The following PPARGC1A variants were observed in gnomAD, a reference collection of about 807,000 sequenced individuals.
PPARGC1A encodes the protein peroxisome proliferator-activated receptor gamma coactivator 1-alpha.
Under a neutral mutation model 88.7 loss-of-function variants are expected in PPARGC1A, and 25 were observed. The observed-to-expected ratio is 0.28, with a 90% CI of 0.21 to 0.39. PPARGC1A has a LOEUF of 0.39. Among genes scored for constraint, PPARGC1A ranks in the 10% least tolerant of loss-of-function variants. The probability of loss-of-function intolerance (pLI) is 1.00; values close to 1 mark genes in which losing one functional copy is unlikely to be tolerated. For missense variants in PPARGC1A, 880 were observed against 968.7 expected (o/e 0.91, Z 1.22); for synonymous variants, 363 against 355.6 (o/e 1.02, Z -0.24).
the PPARGC1A span, among the ~76,000 whole-genome samples, chr4:24,393,134 G>C: frequency 6.6e-6 from 1 of 151,872 alleles, no homozygotes; most frequent in African/African-American, 2.4e-5. Context: ...CAAACTTCCT[G>C]GCAAAATATT....
chr4:24,351,232 A>T, the PPARGC1A span, among the ~76,000 whole-genome samples: 20 of 282 alleles, frequency 0.071, no homozygotes, highest in Non-Finnish European at 0.19. Flanking sequence ...CCTTGTATTT[A>T]AAAAAAAAAA....
the PPARGC1A span, among the ~76,000 whole-genome samples, chr4:24,018,500 G>A: frequency 6.6e-6 from 1 of 151,958 alleles, no homozygotes; most frequent in Non-Finnish European, 1.5e-5. Context: ...GTGATGAGGG[G>A]GGGCAAACCA....
the PPARGC1A span, among the ~76,000 whole-genome samples, chr4:24,282,913 G>T: frequency 1.5e-4 from 23 of 152,222 alleles, no homozygotes; most frequent in Non-Finnish European, 3.1e-4. Flanking sequence ...ATAAGCGGGC[G>T]ATTAACAGAA....
At chr4:24,003,609 A>G in the PPARGC1A span, among the ~76,000 whole-genome samples, 2 of 152,120 alleles carry the variant, frequency 1.3e-5, no homozygotes, top group African/African-American at 4.8e-5. Flanking sequence ...TAAGACCAGT[A>G]AGTACAAAGA....
chr4:24,395,756 G>A, the PPARGC1A span, among the ~76,000 whole-genome samples: 1 of 152,118 alleles, frequency 6.6e-6, no homozygotes, highest in Non-Finnish European at 1.5e-5. Flanking sequence ...TCACGGAAGA[G>A]GAAGTTGAGG....
At chr4:24,207,792 A>G in the PPARGC1A span, among the ~76,000 whole-genome samples, 1 of 152,232 alleles carries the variant, frequency 6.6e-6, no homozygotes, top group Non-Finnish European at 1.5e-5. Context: ...GCCAGAGGAA[A>G]TAAGGAATAA....
chr4:24,005,159 C>T, the PPARGC1A span, among the ~76,000 whole-genome samples: 2 of 151,812 alleles, frequency 1.3e-5, no homozygotes, highest in African/African-American at 2.4e-5. Flanking sequence ...TAAAGGGTCT[C>T]GAAGCTAGTG....
the PPARGC1A span, among the ~76,000 whole-genome samples, chr4:24,216,769 G>A: frequency 6.6e-6 from 1 of 152,080 alleles, no homozygotes; most frequent in Admixed American, 6.5e-5. Flanking sequence ...ACACAAGAGG[G>A]AATGAAGTTA....
At chr4:24,379,036 T>C in the PPARGC1A span, among the ~76,000 whole-genome samples, 1 of 152,194 alleles carries the variant, frequency 6.6e-6, no homozygotes, top group Non-Finnish European at 1.5e-5. Context: ...GTAAATCTTC[T>C]TTGTCCCCTT....
At chr4:24,440,799 C>CA in the PPARGC1A span, among the ~76,000 whole-genome samples, 13 of 147,384 alleles carry the variant, frequency 8.8e-5, no homozygotes, top group African/African-American at 1.2e-4. Flanking sequence ...AAGACTCTGT[C>CA]AAAAAAACAC....
chr4:23,936,691 G>A, the PPARGC1A span, among the ~76,000 whole-genome samples: 1 of 152,060 alleles, frequency 6.6e-6, no homozygotes, highest in African/African-American at 2.4e-5. Flanking sequence ...GGGCGACATG[G>A]GAAAACCCGT....
the PPARGC1A span, among the ~76,000 whole-genome samples, chr4:24,063,422 T>C: frequency 6.6e-6 from 1 of 152,186 alleles, no homozygotes; most frequent in Non-Finnish European, 1.5e-5. Context: ...GGGCTCCACA[T>C]ACTTTTCTGG....
chr4:24,320,022 G>A, the PPARGC1A span, among the ~76,000 whole-genome samples: 28 of 152,198 alleles, frequency 1.8e-4, no homozygotes, highest in African/African-American at 5.3e-4. Context: ...AGAAAATACC[G>A]ACATCAGACA....
At chr4:24,180,472 G>A in the PPARGC1A span, among the ~76,000 whole-genome samples, 1 of 152,148 alleles carries the variant, frequency 6.6e-6, no homozygotes, top group African/African-American at 2.4e-5. Flanking sequence ...CATTGTTTTA[G>A]CCATCTCTGA....
At chr4:23,974,206 TGTGTGGCATTGG>T in the PPARGC1A span, among the ~76,000 whole-genome samples, 1 of 152,168 alleles carries the variant, frequency 6.6e-6, no homozygotes, top group Admixed American at 6.5e-5. Context: ...AGAATGTGTG[TGTGTGGCATTGG>T]GTGGGGATGC....
the PPARGC1A span, among the ~76,000 whole-genome samples, chr4:23,978,451 G>T: frequency 1.3e-5 from 2 of 152,188 alleles, no homozygotes; most frequent in Admixed American, 6.5e-5. Context: ...CAATTAAGGC[G>T]TCGAGCCTCT....
the PPARGC1A span, among the ~76,000 whole-genome samples, chr4:24,370,576 C>G: frequency 6.6e-6 from 1 of 152,026 alleles, no homozygotes; most frequent in Non-Finnish European, 1.5e-5. Context: ...TCAATCCAGG[C>G]AAAGGCATCT....
At chr4:24,149,628 TCAGA>T in the PPARGC1A span, among the ~76,000 whole-genome samples, 1 of 152,130 alleles carries the variant, frequency 6.6e-6, no homozygotes, top group South Asian at 2.1e-4. Flanking sequence ...TTGTAAGAGC[TCAGA>T]CAAACTCTCT....
At chr4:23,988,874 TATA>T in the PPARGC1A span, among the ~76,000 whole-genome samples, 98 of 147,560 alleles carry the variant, frequency 6.6e-4, no homozygotes, top group Middle Eastern at 0.021. Context: ...TATTTATACA[TATA>T]ATAGTATAAT....
Sources: allele counts gnomAD v4.1 joint callset (sites outside exome capture counted in the v4.1 genomes callset), GRCh38; gene constraint gnomAD v4.1.1; transcripts MANE v1.5; gene names NCBI Gene and HGNC (gene_info 2026-07-23, HGNC 2026-07-21).